Variants in ESR1 observed in about 807,000 individuals in gnomAD.
The protein encoded by ESR1 is estrogen receptor 1.
A neutral mutation model predicts 52.7 loss-of-function variants in ESR1; 12 were observed. The observed-to-expected ratio is 0.23, with a 90% CI of 0.15 to 0.37. The LOEUF (loss-of-function observed/expected upper bound fraction) is 0.37. Ranked by LOEUF, ESR1 falls within the 10% of genes least tolerant of loss-of-function variation. The probability of loss-of-function intolerance (pLI) is 1.00; values close to 1 mark genes in which losing one functional copy is unlikely to be tolerated. For synonymous variants in ESR1, 305 were observed against 316.8 expected, an observed-to-expected ratio of 0.96 and a Z score of 0.39; for missense variants, 584 against 779.7, an observed-to-expected ratio of 0.75 and a Z score of 2.99.
chr6:152,056,940 T>G (rs1295725246), intron 5 of ESR1, among the ~76,000 whole-genome samples: 1 of 152,174 alleles, frequency 6.6e-6, no homozygotes, highest in Non-Finnish European at 1.5e-5. Flanking sequence ...AATCTTGTCT[T>G]TTACAGTCAT....
rs35050297 is a variant in ESR1 at position 151,852,639 on chromosome 6, GT to G, written c.643+9869del. Among the ~76,000 whole-genome samples the G allele has an allele frequency of 5.8e-3, 740 of 127,912 alleles. 4 individuals carry two copies. The highest frequency in any genetic ancestry group is 0.012 in the South Asian group (47 of 3,898). 83.9% of individuals were successfully genotyped at this position (127,912 alleles called of 152,430 possible). On this transcript the variant is annotated intron_variant, in intron 2 of 7. Coordinates refer to ENST00000206249, the MANE Select transcript of ESR1 (RefSeq NM_000125.4). ...ATGTCCAAACAAGAACCAAGCAGGT[GT>G]TTTTTTTTTTTTTTTTGCAGATTAT...
chr6:151,731,391 A>C (rs1424526261), intron 2 of ESR1, among the ~76,000 whole-genome samples: 1 of 151,512 alleles, frequency 6.6e-6, no homozygotes, highest in African/African-American at 2.4e-5. Flanking sequence ...GGGGCAGATA[A>C]GTTTTTTGGG....
chr6:151,858,962 CTG>C (rs778139449), intron 2 of ESR1, among the ~76,000 whole-genome samples: 8 of 152,112 alleles, frequency 5.3e-5, no homozygotes, highest in Non-Finnish European at 1.2e-4. Flanking sequence ...GTGGGGTGAA[CTG>C]TTATTAAAAG....
intron 4 of ESR1, among the ~76,000 whole-genome samples, chr6:151,972,268 A>G (rs557091946): frequency 6.6e-6 from 1 of 152,330 alleles, no homozygotes; most frequent in African/African-American, 2.4e-5. Context: ...ATTCCACAAG[A>G]CAGAGAAAGA....
intron 3 of ESR1, among the ~76,000 whole-genome samples, chr6:151,939,590 C>CA (rs1452639365): frequency 6.8e-6 from 1 of 147,884 alleles, no homozygotes; most frequent in Non-Finnish European, 1.5e-5. Context: ...AAGTCGCATC[C>CA]TTTTTTTTTT....
chr6:151,862,573 G>C (rs1789080107), intron 2 of ESR1, among the ~76,000 whole-genome samples: 1 of 152,188 alleles, frequency 6.6e-6, no homozygotes, highest in Non-Finnish European at 1.5e-5. Flanking sequence ...CTAAAGGTTT[G>C]GGTGAGCTGA....
chr6:151,736,375 GTT>G (rs10624912), intron 2 of ESR1, among the ~76,000 whole-genome samples: 2 of 112,736 alleles, frequency 1.8e-5, no homozygotes, highest in Non-Finnish European at 1.7e-5. Context: ...TCCAGGTAGT[GTT>G]TTTTTTTTTT....
At chr6:151,779,306 C>T (rs1786304330) in intron 2 of ESR1, among the ~76,000 whole-genome samples, 1 of 152,184 alleles carries the variant, frequency 6.6e-6, no homozygotes, top group African/African-American at 2.4e-5. Context: ...CAGTTTTCTG[C>T]ATATGGCTAG....
intron 2 of ESR1, among the ~76,000 whole-genome samples, chr6:151,763,701 C>G (rs1432262460): frequency 6.6e-6 from 1 of 152,088 alleles, no homozygotes; most frequent in African/African-American, 2.4e-5. Context: ...TGGAAGAAGG[C>G]CCACAAAATA....
intron 1 of ESR1, among the ~76,000 whole-genome samples, chr6:151,671,731 C>T (rs1778068113): frequency 6.6e-6 from 1 of 152,066 alleles, no homozygotes; most frequent in South Asian, 2.1e-4. Flanking sequence ...GTGGCTTATG[C>T]CTGTAATCCC....
intron 2 of ESR1, among the ~76,000 whole-genome samples, chr6:151,739,573 A>C (rs549996304): frequency 6.6e-6 from 1 of 152,364 alleles, no homozygotes; most frequent in East Asian, 1.9e-4. Context: ...TGTGTGTAAC[A>C]AACCTCAAGG....
At chr6:152,015,497 T>C (rs1283142181) in intron 5 of ESR1, among the ~76,000 whole-genome samples, 1 of 152,234 alleles carries the variant, frequency 6.6e-6, no homozygotes, top group Non-Finnish European at 1.5e-5. Flanking sequence ...CATAAACTTC[T>C]TGTGGTCAAA....
rs533186861 is a variant in ESR1 at position 152,081,802 on chromosome 6, G to A, written c.1370-12583G>A. On this transcript the variant is annotated intron_variant, in intron 6 of 7. Coordinates refer to ENST00000206249, the MANE Select transcript of ESR1 (RefSeq NM_000125.4). ...AAAATGATAAAGGGATATCACCACC[G>A]ATCCCACAGAAATACAAACTACCAT... 1.9e-4 allele frequency among the ~76,000 whole-genome samples: 29 copies of A among 152,148 alleles called. No individual in the cohort carries two copies. In the South Asian group the frequency reaches 2.7e-3, roughly 14 times the overall value.
intron 6 of ESR1, among the ~76,000 whole-genome samples, chr6:152,109,145 A>G (rs562790870): frequency 5.1e-4 from 77 of 152,268 alleles, no homozygotes; most frequent in African/African-American, 1.8e-3. Flanking sequence ...ATAGCACCAG[A>G]GGGGATGGTG....
At chr6:151,753,430 G>A (rs1784051294) in intron 2 of ESR1, among the ~76,000 whole-genome samples, 1 of 151,042 alleles carries the variant, frequency 6.6e-6, no homozygotes, top group Non-Finnish European at 1.5e-5. Flanking sequence ...CGATTCTCCT[G>A]CCTCAATCTC....
At chr6:151,745,504 A>T (rs1490855888) in intron 2 of ESR1, among the ~76,000 whole-genome samples, 1 of 152,184 alleles carries the variant, frequency 6.6e-6, no homozygotes, top group Non-Finnish European at 1.5e-5. Context: ...CTTTCATTTT[A>T]TGGGTAGACT....
At chr6:151,817,628 A>G (rs1779879982) in intron 1 of ESR1, among the ~76,000 whole-genome samples, 1 of 152,242 alleles carries the variant, frequency 6.6e-6, no homozygotes. Context: ...TGGAATAAAT[A>G]CAAAGAAGGT....
intron 1 of ESR1, among the ~76,000 whole-genome samples, chr6:151,818,241 C>A (rs1052288543): frequency 6.6e-6 from 1 of 152,132 alleles, no homozygotes; most frequent in Non-Finnish European, 1.5e-5. Flanking sequence ...GAATAAGCAG[C>A]TGAAAGCAAG....
chr6:151,771,578 G>A lies in ESR1; in HGVS notation c.-70-36265G>A, dbSNP rs375262995. On this transcript the variant is annotated intron_variant, in intron 2 of 2. Transcript: ENST00000404742. ...AGAAACATGGAATGACATGAAGAAA[G>A]TCCTTAATATATCATGGAGTGAAAA... is the stretch of plus-strand genomic sequence containing the variant. Among the ~76,000 whole-genome samples, 687 of 152,276 alleles carry A rather than the reference G, an allele frequency of 4.5e-3. 1 individual carries two copies. The highest frequency in any genetic ancestry group is 6.5e-3 in the Non-Finnish European group (445 of 68,014).
Sources: allele counts gnomAD v4.1 joint callset (sites outside exome capture counted in the v4.1 genomes callset), GRCh38; gene constraint gnomAD v4.1.1; transcripts MANE v1.5; gene names NCBI Gene and HGNC (gene_info 2026-07-23, HGNC 2026-07-21).